OR6Y1: variants seen among roughly 807,000 people sequenced by gnomAD.
OR6Y1 encodes olfactory receptor 6Y1.
Under a neutral mutation model 0.4 loss-of-function variants are expected in OR6Y1, and 1 was observed. The observed-to-expected ratio is 2.74, with a 90% CI of 0.97 to 13.02. The LOEUF is 13.02. OR6Y1 is among the 30% of genes most tolerant of loss of function. The pLI, the probability that OR6Y1 is intolerant of heterozygous loss-of-function variation, is 0.12. For missense variants in OR6Y1, 480 were observed against 399.8 expected (o/e 1.20, Z -1.71); for synonymous variants, 173 against 141.1 (o/e 1.23, Z -1.60).
rs766731051 is a variant in OR6Y1 at position 158,550,353 on chromosome 1, ATTC to A, written c.-1432-819_-1432-817del. Among the ~76,000 whole-genome samples the A allele has an allele frequency of 4.9e-4, 74 of 151,632 alleles. No homozygotes were observed. The Middle Eastern group carries it at 0.01, about 21-fold the overall frequency. On this transcript the variant is annotated intron_variant, in intron 1 of 1. Transcript: ENST00000641622. ...TTTTCACAGAACTATGCATTCATTC[ATTC>A]TTCTTCTAATTCCAGCAGAGTCCAG...
chr1:158,548,121 C>T lies in OR6Y1; in HGVS notation c.-16G>A. On this transcript the variant is annotated 5_prime_UTR_variant, in exon 2 of 2. It adds an upstream start codon to the 5' untranslated region. Transcript: ENST00000641622. Reference sequence around the variant, plus strand: ...TGGTGGTCATGACTGGCTGTGGGCACAGACAAAGTCAGTTCCTTCCATGAC... The same window carrying T: ...TGGTGGTCATGACTGGCTGTGGGCATAGACAAAGTCAGTTCCTTCCATGAC... The T allele has an allele frequency of 6.2e-7, 1 of 1,601,220 alleles. No individual in the cohort carries two copies. The highest frequency in any genetic ancestry group is 8.5e-7 in the Non-Finnish European group (1 of 1,174,910).
At position 158,547,954 on chromosome 1, in the gene OR6Y1, A is replaced by T; in HGVS notation, c.152T>A (p.Ile51Asn). The T allele has an allele frequency of 6.2e-7, 1 of 1,613,572 alleles. No homozygotes were observed. The highest frequency in any genetic ancestry group is 8.5e-7 in the Non-Finnish European group (1 of 1,179,992). Residue 51 changes from isoleucine to asparagine, a missense_variant, in exon 2 of 2, where the codon ATC (isoleucine) becomes AAC (asparagine). Physicochemically the swap from Ile to Asn is moderately radical, Grantham distance 149. Transcript: ENST00000641622. ...LLTLLENLLIILAIHSDGQLH... is the reference protein window; with the variant it reads ...LLTLLENLLINLAIHSDGQLH... ...CTGCCCATCACTGTGGATAGCTAAG[A>T]TGATAAGAAGATTCTCCAGCAGTGT...
intron 1 of OR6Y1, among the ~76,000 whole-genome samples, chr1:158,552,494 AC>A (rs1647729696): frequency 6.6e-6 from 1 of 151,974 alleles, no homozygotes; most frequent in African/African-American, 2.4e-5. Flanking sequence ...GGTGGATATG[AC>A]CTTTCCCACA....
rs958226990 is a variant in OR6Y1, at chr1:158,548,943, T to C, written c.-838A>G. On this transcript the variant is annotated 5_prime_UTR_variant, in exon 2 of 2. Transcript: ENST00000641622. Reference sequence around the variant, plus strand: ...AATTCAGTTCCTATGATATTTGCTGTGACCTTTCCAGGCTACTTTACTTAC... The same window carrying C: ...AATTCAGTTCCTATGATATTTGCTGCGACCTTTCCAGGCTACTTTACTTAC... 2 of 151,668 alleles carry C rather than the reference T, an allele frequency of 1.3e-5. No homozygotes were observed. The highest frequency in any genetic ancestry group is 2.9e-5 in the Non-Finnish European group (2 of 68,018). The allele number at this position is 151,668 out of a possible 1,614,324, so 9.4% of individuals were successfully genotyped here.
chr1:158,547,093 T>A lies in OR6Y1; in HGVS notation c.*35A>T. The A allele has an allele frequency of 3.2e-6, 5 of 1,581,484 alleles. No individual in the cohort carries two copies. Among genetic ancestry groups the A allele is most frequent in the Non-Finnish European group, 4.3e-6 (5 of 1,165,692 alleles). On this transcript the variant is annotated 3_prime_UTR_variant, in exon 2 of 2. Coordinates refer to ENST00000641622, the MANE Select transcript of OR6Y1 (RefSeq NM_001005189.2). Reference sequence around the variant, plus strand: ...AGGGGGAAAGTGTGTAGTGATCATCTCTCAGTTCAAGCCTGAAAGGAATCT... The same window carrying A: ...AGGGGGAAAGTGTGTAGTGATCATCACTCAGTTCAAGCCTGAAAGGAATCT...
intron 1 of OR6Y1, 149 bp downstream of exon 1, chr1:158,554,117 A>T (rs1280525258): frequency 6.6e-6 from 1 of 152,242 alleles, no homozygotes; most frequent in Non-Finnish European, 1.5e-5. Context: ...AACTATCTTT[A>T]AAAATCAATA....
In OR6Y1 at chr1:158,547,411, C is replaced by G. The variant is rs1250613379; in HGVS notation, c.695G>C (p.Arg232Thr). 5.6e-6 allele frequency: 9 copies of G among 1,613,436 alleles called. No homozygotes were observed. The highest frequency in any genetic ancestry group is 7.6e-6 in the Non-Finnish European group (9 of 1,179,992). Reference sequence around the variant, plus strand: ...TTGGCGGCCCTGAGCAGAAGGGATCCTGAGGATGGTGGCAAGGATAGCAGC... The same window carrying G: ...TTGGCGGCCCTGAGCAGAAGGGATCGTGAGGATGGTGGCAAGGATAGCAGC... The part of the protein sequence containing the change: ...SYAAILATIL[R>T]IPSAQGRQKA... Residue 232 changes from arginine to threonine, a missense_variant, in exon 2 of 2, where the codon AGG becomes ACG. By Grantham distance (71) the Arg-to-Thr change is moderately conservative. Transcript: ENST00000641622.
intron 1 of OR6Y1, among the ~76,000 whole-genome samples, chr1:158,550,218 C>CTTGT (rs376672593): frequency 6.6e-6 from 1 of 150,906 alleles, no homozygotes; most frequent in Non-Finnish European, 1.5e-5. Context: ...ATTCTCCATT[C>CTTGT]CTTTGCAATA....
chr1:158,549,834 AAT>A (rs869177145), intron 1 of OR6Y1, among the ~76,000 whole-genome samples: 2 of 112,450 alleles, frequency 1.8e-5, no homozygotes, highest in Non-Finnish European at 3.7e-5. Context: ...GATTTAAAAA[AAT>A]ATCTTTGAGT....
At chr1:158,553,177 G>C (rs866994884) in intron 1 of OR6Y1, among the ~76,000 whole-genome samples, 53 of 152,230 alleles carry the variant, frequency 3.5e-4, no homozygotes, top group African/African-American at 1.2e-3. Context: ...GGGAAAAGTG[G>C]CTTAATTTCT....
chr1:158,549,563 C>G (rs139064418), intron 1 of OR6Y1, 26 bp from the exon 2 acceptor site: 1 of 151,702 alleles, frequency 6.6e-6, no homozygotes, highest in African/African-American at 2.4e-5. Flanking sequence ...AATAGAAAGG[C>G]AGGATTATTC....
chr1:158,548,618 A>G lies in OR6Y1; in HGVS notation c.-513T>C, dbSNP rs1326352233. 6.5e-6 allele frequency: 1 copy of G among 153,222 alleles called. No homozygotes were observed. Among genetic ancestry groups the G allele is most frequent in the Non-Finnish European group, 1.4e-5 (1 of 69,028 alleles). The allele number at this position is 153,222 out of a possible 1,614,324, so 9.5% of individuals were successfully genotyped here. On this transcript the variant is annotated 5_prime_UTR_variant, in exon 2 of 2. Coordinates refer to ENST00000641622, the MANE Select transcript of OR6Y1 (RefSeq NM_001005189.2). ...AATGTGCTTAAGCTTGAATGAAGCAATAGTTGAGCATACCCACAGGATTAA... is the reference window on the plus strand; with the variant it reads ...AATGTGCTTAAGCTTGAATGAAGCAGTAGTTGAGCATACCCACAGGATTAA...
chr1:158,551,534 C>A (rs1434371701), intron 1 of OR6Y1, among the ~76,000 whole-genome samples: 1 of 151,594 alleles, frequency 6.6e-6, no homozygotes, highest in Non-Finnish European at 1.5e-5. Context: ...TTGTCTTATA[C>A]AATTCATTCA....
intron 1 of OR6Y1, among the ~76,000 whole-genome samples, chr1:158,549,793 T>G (rs567876060): frequency 5.3e-5 from 8 of 151,094 alleles, no homozygotes; most frequent in Non-Finnish European, 8.8e-5. Flanking sequence ...AGGCAAGGTT[T>G]ATGAATCCTC....
At chr1:158,551,771 C>T (rs1384250118) in intron 1 of OR6Y1, among the ~76,000 whole-genome samples, 1 of 151,588 alleles carries the variant, frequency 6.6e-6, no homozygotes, top group African/African-American at 2.4e-5. Flanking sequence ...CACACAAACA[C>T]ACATTGCTAA....
Sources: gnomAD v4.1 joint callset for allele counts (sites outside exome capture counted in the v4.1 genomes callset) on GRCh38, gnomAD v4.1.1 for gene constraint, MANE v1.5 for transcripts, NCBI Gene and HGNC (gene_info 2026-07-23, HGNC 2026-07-21) for gene names.